Variants in ZNF723 observed in about 807,000 individuals in gnomAD.
ZNF723 encodes the protein zinc finger protein 723, pseudogene.
A neutral mutation model predicts 9.4 loss-of-function variants in ZNF723; 5 were observed. That is an observed-to-expected ratio of 0.53 (90% CI 0.28 to 1.12). The LOEUF is 1.12. Ranked by LOEUF, ZNF723 falls within the 50% of genes most tolerant of loss-of-function variation. The pLI is 0.10. For missense variants in ZNF723, 450 were observed against 501.5 expected (o/e 0.90, Z 0.98); for synonymous variants, 158 against 168.8 (o/e 0.94, Z 0.49).
At chr19:22,829,005 G>A (rs935589156), upstream of ZNF723, among the ~76,000 whole-genome samples, 3 of 151,744 alleles carry the variant, frequency 2.0e-5, no homozygotes, top group East Asian at 2.0e-4. Flanking sequence ...AAACTCCATC[G>A]CTACTAAAAA....
the ZNF723 span, among the ~76,000 whole-genome samples, chr19:22,826,877 G>T: frequency 6.6e-6 from 1 of 152,190 alleles, no homozygotes; most frequent in Non-Finnish European, 1.5e-5. Context: ...AAAAGATGAA[G>T]GGCTAATGTG....
intron 1 of ZNF723, among the ~76,000 whole-genome samples, chr19:22,837,428 G>A (rs963313220): frequency 6.6e-6 from 1 of 152,128 alleles, no homozygotes; most frequent in African/African-American, 2.4e-5. Context: ...CTGACTCTGG[G>A]TGGTTTCAGA....
chr19:22,855,648 T>C (rs186400866), intron 3 of ZNF723, among the ~76,000 whole-genome samples: 24 of 152,356 alleles, frequency 1.6e-4, no homozygotes, highest in Admixed American at 1.4e-3. Context: ...GGAAGGTTTT[T>C]TTATTTTTGG....
At chr19:22,824,787 T>C in the ZNF723 span, among the ~76,000 whole-genome samples, 11 of 152,210 alleles carry the variant, frequency 7.2e-5, no homozygotes, top group African/African-American at 2.6e-4. Flanking sequence ...TTGTGACTGG[T>C]ATATGTGGAT....
At chr19:22,826,485 G>A in the ZNF723 span, among the ~76,000 whole-genome samples, 1 of 152,208 alleles carries the variant, frequency 6.6e-6, no homozygotes, top group Admixed American at 6.5e-5. Context: ...TGTACAGAGA[G>A]TATTATAACA....
At chr19:22,834,201 C>A (rs886578004) in intron 1 of ZNF723, among the ~76,000 whole-genome samples, 1 of 152,060 alleles carries the variant, frequency 6.6e-6, no homozygotes, top group Non-Finnish European at 1.5e-5. Context: ...CAGGCATGAG[C>A]CACTGCGCCC....
the ZNF723 span, among the ~76,000 whole-genome samples, chr19:22,822,461 G>C: frequency 1.8e-4 from 27 of 152,280 alleles, no homozygotes; most frequent in Non-Finnish European, 2.9e-4. Flanking sequence ...AAGGTCCTGG[G>C]CTTTCTACTT....
At chr19:22,832,437 T>A in intron 1 of ZNF723, 55 bp downstream of exon 1, 1 of 1,354,600 alleles carries the variant, frequency 7.4e-7, no homozygotes, top group South Asian at 1.2e-5. Flanking sequence ...TTGGAACCGG[T>A]GGGAAGTGGC....
In ZNF723 at chr19:22,858,549, CCT is replaced by C; in HGVS notation, c.*117_*118del. The stretch of plus-strand genomic sequence containing the variant: ...TTGGGAGGCCGAGGCGGGCAGATCA[CCT>C]GAGGTCAGGAGTTCGAGACCAACCT... On this transcript the variant is annotated 3_prime_UTR_variant, in exon 4 of 4. Transcript: ENST00000600766. The C allele has an allele frequency of 1.8e-6, 1 of 553,922 alleles. No individual in the cohort carries two copies. The highest frequency in any genetic ancestry group is 2.8e-5 in the South Asian group (1 of 35,706). 34.3% of individuals were successfully genotyped at this position (553,922 alleles called of 1,614,324 possible).
At chr19:22,855,417 T>C in intron 3 of ZNF723, among the ~76,000 whole-genome samples, 1 of 151,942 alleles carries the variant, frequency 6.6e-6, no homozygotes, top group Middle Eastern at 3.2e-3. Context: ...TTAGTGGAGA[T>C]GGGGTTTTGC....
chr19:22,838,551 C>CA lies in ZNF723; in HGVS notation c.3+6174dup, dbSNP rs200894782. On this transcript the variant is annotated intron_variant, in intron 1 of 3. Coordinates refer to ENST00000600766, the MANE Select transcript of ZNF723 (RefSeq NM_001349726.2). ...CGGTCGACAAAGCTAGACTCTGTCT[C>CA]AAAAAGAAAAAAAAAGAACATGCAT... is the stretch of plus-strand genomic sequence containing the variant. 2.6e-3 allele frequency among the ~76,000 whole-genome samples: 379 copies of CA among 145,570 alleles called. 1 individual carries two copies. The highest frequency in any genetic ancestry group is 8.1e-3 in the African/African-American group (310 of 38,444).
intron 3 of ZNF723, among the ~76,000 whole-genome samples, chr19:22,850,045 TTTTA>T (rs1363028570): frequency 2.6e-5 from 4 of 152,178 alleles, no homozygotes; most frequent in Non-Finnish European, 5.9e-5. Context: ...TTCATCCTGT[TTTTA>T]TTAGTATAGT....
the ZNF723 span, among the ~76,000 whole-genome samples, chr19:22,827,218 G>T: frequency 6.6e-6 from 1 of 152,118 alleles, no homozygotes; most frequent in Non-Finnish European, 1.5e-5. Context: ...TTACTTACTG[G>T]ATAAACAGAG....
the ZNF723 span, among the ~76,000 whole-genome samples, chr19:22,823,535 A>G: frequency 6.6e-6 from 1 of 152,172 alleles, no homozygotes; most frequent in African/African-American, 2.4e-5. Context: ...GCATACTTAG[A>G]CCAAACACTC....
At chr19:22,819,899 G>A in the ZNF723 span, among the ~76,000 whole-genome samples, 1 of 152,122 alleles carries the variant, frequency 6.6e-6, no homozygotes. Context: ...TGTGACATAT[G>A]TGTGGGTCAA....
the ZNF723 span, among the ~76,000 whole-genome samples, chr19:22,818,297 A>G: frequency 6.6e-6 from 1 of 152,188 alleles, no homozygotes; most frequent in Non-Finnish European, 1.5e-5. Flanking sequence ...ATATTCACAC[A>G]CAGATGACAC....
chr19:22,825,188 G>C, the ZNF723 span, among the ~76,000 whole-genome samples: 3 of 152,160 alleles, frequency 2.0e-5, no homozygotes, highest in Non-Finnish European at 4.4e-5. Context: ...ATCCACAGGT[G>C]GGGTAGTGAC....
At chr19:22,826,105 T>A in the ZNF723 span, among the ~76,000 whole-genome samples, 1 of 152,172 alleles carries the variant, frequency 6.6e-6, no homozygotes, top group African/African-American at 2.4e-5. Context: ...GGGCTGAGCA[T>A]CCAGGTAATC....
upstream of ZNF723, among the ~76,000 whole-genome samples, chr19:22,829,788 T>C (rs577484378): frequency 6.6e-6 from 1 of 152,368 alleles, no homozygotes; most frequent in South Asian, 2.1e-4. Context: ...ACTGTACCCA[T>C]TCTTGTACCA....
Sources: allele counts gnomAD v4.1 joint callset (sites outside exome capture counted in the v4.1 genomes callset), GRCh38; gene constraint gnomAD v4.1.1; transcripts MANE v1.5; gene names NCBI Gene and HGNC (gene_info 2026-07-23, HGNC 2026-07-21).